RNF128: variants seen among roughly 807,000 people sequenced by gnomAD.
The protein encoded by RNF128 is E3 ubiquitin-protein ligase RNF128.
Under a neutral mutation model 26.2 loss-of-function variants are expected in RNF128, and 13 were observed. The observed-to-expected ratio is 0.50, with a 90% CI of 0.32 to 0.79. RNF128 has a LOEUF of 0.79. RNF128 is among the 30% of genes least tolerant of loss of function. RNF128 has a pLI of 0.03. For synonymous variants in RNF128, 149 were observed against 142.5 expected, an observed-to-expected ratio of 1.05 and a Z score of -0.32; for missense variants, 315 against 349.7, an observed-to-expected ratio of 0.90 and a Z score of 0.79.
At chrX:106,706,311 A>G (rs1929042253) in intron 1 of RNF128, among the ~76,000 whole-genome samples, 1 of 111,802 alleles carries the variant, frequency 8.9e-6, no homozygotes, top group Admixed American at 9.5e-5. Context: ...AAATCTAAAA[A>G]ACAATGTGGA....
At chrX:106,762,317 AT>A (rs756515596) in intron 1 of RNF128, among the ~76,000 whole-genome samples, 1,477 of 94,736 alleles carry the variant, frequency 0.016, 24 homozygotes, top group African/African-American at 0.044. Flanking sequence ...TCCACTTTTG[AT>A]TTTTTTTTTT....
chrX:106,696,397 C>G (rs774166715), intron 1 of RNF128, among the ~76,000 whole-genome samples: 1 of 111,219 alleles, frequency 9.0e-6, no homozygotes, highest in East Asian at 2.8e-4. Context: ...AGTGATGCAG[C>G]TGACAAACAT....
rs193206349 is a variant in RNF128 at position 106,766,178 on chromosome X, G to A, written c.485-6735G>A. On this transcript the variant is annotated intron_variant, in intron 1 of 6. Transcript: ENST00000255499. ...GTGAATAGTGCCGAAATAAACATAC[G>A]TGTGCATGTGTCTTTATAGCAGCAT... 1.4e-4 allele frequency among the ~76,000 whole-genome samples: 16 copies of A among 111,911 alleles called. No individual in the cohort carries two copies. The East Asian group carries it at 3.1e-3, about 21-fold the overall frequency.
Position 106,732,815 on chromosome X carries a change from T to A in RNF128, c.484+5418T>A, listed in dbSNP as rs184299866. The stretch of plus-strand genomic sequence containing the variant: ...GTTTTCCCTGTGCTGGGGTGTTTTA[T>A]TTTTTTGATCTTTTAAAAACTACAC... On this transcript the variant is annotated intron_variant, in intron 1 of 6. Transcript: ENST00000255499. 1.2e-4 allele frequency among the ~76,000 whole-genome samples: 13 copies of A among 112,071 alleles called. No individual in the cohort carries two copies. In the East Asian group the frequency reaches 3.4e-3, roughly 29 times the overall value.
Position 106,785,098 on chromosome X carries a change from G to T in RNF128, c.766G>T (p.Gly256Ter), listed in dbSNP as rs2147700714. 1 of 1,184,716 alleles carries T rather than the reference G, an allele frequency of 8.4e-7. No individual in the cohort carries two copies. Among genetic ancestry groups the T allele is most frequent in the Non-Finnish European group, 1.1e-6 (1 of 885,157 alleles). ...QLKADAKKAIGRLQLRTLKQG... is the reference protein window; with the variant it reads ...QLKADAKKAI ...AAAGGCAGATGCTAAAAAAGCTATT[G>T]GAAGGCTTCAACTACGCACACTGAA... The change falls in exon 3 of 7, where the codon GGA (glycine) becomes TGA (stop). Residue 256 changes from glycine to a stop codon, truncating the protein, a stop_gained. Transcript: ENST00000255499. LOFTEE classifies it high-confidence loss of function.
chrX:106,731,883 T>C, intron 1 of RNF128, among the ~76,000 whole-genome samples: 1 of 111,670 alleles, frequency 9.0e-6, no homozygotes, highest in Non-Finnish European at 1.9e-5. Flanking sequence ...TTGATTGGTC[T>C]CCTTGCCTCC....
intron 1 of RNF128, among the ~76,000 whole-genome samples, chrX:106,744,267 C>A (rs1602375866): frequency 1.8e-5 from 2 of 111,365 alleles, no homozygotes; most frequent in Non-Finnish European, 3.8e-5. Context: ...AGATTTCCTT[C>A]TTGTGCTTTA....
chrX:106,718,540 A>C (rs1363835976), intron 1 of RNF128, among the ~76,000 whole-genome samples: 1 of 105,284 alleles, frequency 9.5e-6, no homozygotes, highest in Non-Finnish European at 2.0e-5. Context: ...CCCCCAGCTA[A>C]TTGGAAGATT....
chrX:106,748,190 T>C (rs910060203), intron 1 of RNF128, among the ~76,000 whole-genome samples: 3 of 112,229 alleles, frequency 2.7e-5, no homozygotes, highest in Non-Finnish European at 5.6e-5. Context: ...AGTGGAAAAC[T>C]CTAGAACTTG....
chrX:106,696,797 G>T (rs1485597406), intron 1 of RNF128, among the ~76,000 whole-genome samples: 1 of 111,539 alleles, frequency 9.0e-6, no homozygotes, highest in Admixed American at 9.6e-5. Flanking sequence ...GCCAAAGACC[G>T]CTAGCAACAG....
Position 106,712,808 on chromosome X carries a change from T to C in RNF128, c.406+18400T>C, listed in dbSNP as rs778159883. On this transcript the variant is annotated intron_variant, in intron 1 of 6. Transcript: ENST00000324342. Reference sequence around the variant, plus strand: ...TGAACATTCCACTTTTAGCCAGTTGTTTTGGTGTTATGTAAATAAGCCTGA... The same window carrying C: ...TGAACATTCCACTTTTAGCCAGTTGCTTTGGTGTTATGTAAATAAGCCTGA... Among the ~76,000 whole-genome samples the C allele has an allele frequency of 2.7e-5, 3 of 110,940 alleles. No homozygotes were observed. In the South Asian group the frequency reaches 1.2e-3, roughly 43 times the overall value.
At chrX:106,727,707 G>A (rs1440031350) in intron 1 of RNF128, among the ~76,000 whole-genome samples, 1 of 111,456 alleles carries the variant, frequency 9.0e-6, no homozygotes, top group Admixed American at 9.5e-5. Flanking sequence ...TCTAGCCTTG[G>A]ATTAAGTGGT....
chrX:106,766,922 C>T (rs1170436590), intron 1 of RNF128, among the ~76,000 whole-genome samples: 1 of 111,592 alleles, frequency 9.0e-6, no homozygotes, highest in African/African-American at 3.3e-5. Flanking sequence ...CCAGTTTCAG[C>T]TTTCTATATA....
upstream of RNF128, among the ~76,000 whole-genome samples, chrX:106,726,258 C>A (rs1447785155): frequency 9.0e-6 from 1 of 110,613 alleles, no homozygotes; most frequent in Non-Finnish European, 1.9e-5. Context: ...GCTTTTCCTG[C>A]CCTTCCCCCC....
At chrX:106,763,805 G>A (rs1194731273) in intron 1 of RNF128, among the ~76,000 whole-genome samples, 2 of 112,180 alleles carry the variant, frequency 1.8e-5, no homozygotes. Flanking sequence ...CACCACGCCC[G>A]GCCAATTCAG....
Position 106,732,704 on chromosome X carries a change from A to G in RNF128, c.484+5307A>G, listed in dbSNP as rs547047980. On this transcript the variant is annotated intron_variant, in intron 1 of 6. Coordinates refer to ENST00000255499, the MANE Select transcript of RNF128 (RefSeq NM_194463.2). ...ACTTCAAGATTGCTGGCTAACTTCT[A>G]TGGTGATTAGCCTGGTTTTATGGAT... Among the ~76,000 whole-genome samples the G allele has an allele frequency of 3.7e-4, 41 of 112,001 alleles. No homozygotes were observed. The South Asian group carries it at 0.014, about 39-fold the overall frequency.
chrX:106,740,272 C>A (rs1178709338), intron 1 of RNF128, among the ~76,000 whole-genome samples: 1 of 110,395 alleles, frequency 9.1e-6, no homozygotes, highest in Non-Finnish European at 1.9e-5. Context: ...TTTAGTCTGG[C>A]ACTTAAATGT....
At chrX:106,770,013 T>G (rs1287470331) in intron 1 of RNF128, among the ~76,000 whole-genome samples, 3 of 111,453 alleles carry the variant, frequency 2.7e-5, no homozygotes, top group African/African-American at 9.8e-5. Context: ...TTTTGAAGCT[T>G]AGTTTGGCTG....
At chrX:106,740,348 A>T (rs1309499181) in intron 1 of RNF128, among the ~76,000 whole-genome samples, 2 of 111,444 alleles carry the variant, frequency 1.8e-5, no homozygotes, top group Non-Finnish European at 3.8e-5. Flanking sequence ...GCAACATTTA[A>T]GGTACAGAGT....
Sources: gnomAD v4.1 joint callset for allele counts (sites outside exome capture counted in the v4.1 genomes callset) on GRCh38, gnomAD v4.1.1 for gene constraint, MANE v1.5 for transcripts, NCBI Gene and HGNC (gene_info 2026-07-23, HGNC 2026-07-21) for gene names.